Variants in CASQ1 observed in about 807,000 individuals in gnomAD.
CASQ1 encodes the protein calsequestrin-1.
CASQ1 carries 40 observed loss-of-function variants against 49.5 expected under a neutral mutation model. The observed-to-expected ratio is 0.81, with a 90% CI of 0.63 to 1.05. The LOEUF is 1.05. Among genes scored for constraint, CASQ1 ranks in the 50% least tolerant of loss-of-function variants. The probability of loss-of-function intolerance (pLI) is 0.00; values close to 1 mark genes in which losing one functional copy is unlikely to be tolerated. For synonymous variants in CASQ1, 174 were observed against 187.2 expected (o/e 0.93, Z 0.58); for missense variants, 469 against 486.9 (o/e 0.96, Z 0.35).
chr1:160,192,097 G>A (rs1654088775), intron 1 of CASQ1, among the ~76,000 whole-genome samples: 1 of 152,216 alleles, frequency 6.6e-6, no homozygotes, highest in East Asian at 1.9e-4. Context: ...GAAAATCAGG[G>A]TTGAACGCTA....
chr1:160,193,957 T>C (rs1654141174), intron 3 of CASQ1, 110 bp downstream of exon 3: 4 of 626,684 alleles, frequency 6.4e-6, no homozygotes, highest in Admixed American at 2.6e-5. Flanking sequence ...CACACACACA[T>C]ACACCACACG....
In CASQ1 at chr1:160,199,420, A is replaced by G. The variant is rs528667250; in HGVS notation, c.984+367A>G. Reference sequence around the variant, plus strand: ...AGGAGATGATTTTGTTCTCAGCTACATTCCCAACACCTAGCACTCGCTGTT... The same window carrying G: ...AGGAGATGATTTTGTTCTCAGCTACGTTCCCAACACCTAGCACTCGCTGTT... On this transcript the variant is annotated intron_variant, in intron 9 of 10. Coordinates refer to ENST00000368078, the MANE Select transcript of CASQ1 (RefSeq NM_001231.5). 9.8e-5 allele frequency among the ~76,000 whole-genome samples: 15 copies of G among 152,344 alleles called. No homozygotes were observed. The South Asian group carries it at 2.9e-3, about 29-fold the overall frequency.
chr1:160,199,729 C>T lies in CASQ1; in HGVS notation c.985-122C>T, dbSNP rs533717483. 1.3e-4 allele frequency: 92 copies of T among 698,956 alleles called. No homozygotes were observed. In the South Asian group the frequency reaches 1.5e-3, roughly 11 times the overall value. The allele number at this position is 698,956 out of a possible 1,614,324, so 43.3% of individuals were successfully genotyped here. On this transcript the variant is annotated intron_variant, in intron 9 of 10. Coordinates refer to ENST00000368078, the MANE Select transcript of CASQ1 (RefSeq NM_001231.5). ...TTGATGCCCTCACAGGTGGACCTGT[C>T]CCCATCCACTGCCAGTTCGCACTGT...
At chr1:160,196,824 T>A (rs1332312253) in intron 6 of CASQ1, among the ~76,000 whole-genome samples, 1 of 152,138 alleles carries the variant, frequency 6.6e-6, no homozygotes, top group Non-Finnish European at 1.5e-5. Flanking sequence ...CTCTACAAGG[T>A]GGGAAGGCGT....
chr1:160,193,193 C>T (rs898499538), intron 2 of CASQ1, among the ~76,000 whole-genome samples: 4 of 152,068 alleles, frequency 2.6e-5, no homozygotes, highest in Non-Finnish European at 5.9e-5. Flanking sequence ...ACAGGCGGGG[C>T]TGGCCAGACC....
chr1:160,200,716 GA>G (rs1365474962), intron 10 of CASQ1, among the ~76,000 whole-genome samples: 13 of 152,146 alleles, frequency 8.5e-5, no homozygotes, highest in Admixed American at 7.9e-4. Flanking sequence ...AGCAGGTTAT[GA>G]AAAGCCCTGG....
In CASQ1 at chr1:160,198,762, G is replaced by A. The variant is rs756411626; in HGVS notation, c.883+31G>A. The stretch of plus-strand genomic sequence containing the variant: ...GGAGGAATACCGGGTTGGACTGGAG[G>A]GAAGGCAGGGGGAGGTGGGTGTGTT... On this transcript the variant is annotated intron_variant, in intron 8 of 10. Coordinates refer to ENST00000368078, the MANE Select transcript of CASQ1 (RefSeq NM_001231.5). The A allele has an allele frequency of 1.9e-6, 3 of 1,594,202 alleles. No homozygotes were observed. In the South Asian group the frequency reaches 3.3e-5, roughly 18 times the overall value.
At chr1:160,193,272 G>A (rs1571047691) in intron 2 of CASQ1, among the ~76,000 whole-genome samples, 1 of 152,126 alleles carries the variant, frequency 6.6e-6, no homozygotes, top group East Asian at 1.9e-4. Context: ...CCACTAGGGG[G>A]CAGCACAGGC....
In CASQ1 at chr1:160,195,457, C is replaced by G. The variant is rs1224466252; in HGVS notation, c.578-4C>G. 5 of 1,613,780 alleles carry G rather than the reference C, an allele frequency of 3.1e-6. No individual in the cohort carries two copies. The highest frequency in any genetic ancestry group is 2.7e-5 in the African/African-American group (2 of 74,906). On this transcript the variant is annotated splice_region_variant and splice_polypyrimidine_tract_variant and intron_variant, in intron 4 of 10. Coordinates refer to ENST00000368078, the MANE Select transcript of CASQ1 (RefSeq NM_001231.5). ...AGAGACTGACTCTGCATTCCACCCC[C>G]CAGATTACAAAGCCTTCGAGGATGC...
At chr1:160,196,080 A>G in intron 6 of CASQ1, 53 bp downstream of exon 6, 1 of 1,586,596 alleles carries the variant, frequency 6.3e-7, no homozygotes, top group Non-Finnish European at 8.6e-7. Flanking sequence ...TTGGGCTAGA[A>G]CACACTGTGT....
rs1290650774 is a variant in CASQ1 at position 160,191,038 on chromosome 1, G to A, written c.279+8G>A. On this transcript the variant is annotated splice_region_variant and intron_variant, in intron 1 of 10. Coordinates refer to ENST00000368078, the MANE Select transcript of CASQ1 (RefSeq NM_001231.5). ...GAGGAGCTGATCCTGGAGGTGAGTT[G>A]GGGGCACTGCAGGCCTGCAGAGCAT... 3.7e-6 allele frequency: 6 copies of A among 1,613,246 alleles called. No individual in the cohort carries two copies. The highest frequency in any genetic ancestry group is 5.1e-6 in the Non-Finnish European group (6 of 1,179,632).
chr1:160,198,630 A>T, intron 7 of CASQ1, 47 bp from the exon 8 acceptor site: 1 of 1,422,524 alleles, frequency 7.0e-7, no homozygotes, highest in Non-Finnish European at 9.9e-7. Context: ...CAGGGAGTAT[A>T]GTAAGGTCTT....
Position 160,190,868 on chromosome 1 carries a change from C to T in CASQ1, c.117C>T (p.Asp39=). The change falls in exon 1 of 11, where the codon GAC becomes GAT. Residue 39 remains aspartate (D), a synonymous_variant. Coordinates refer to ENST00000368078, the MANE Select transcript of CASQ1 (RefSeq NM_001231.5). ...KSGVQGQEGL[D]FPEYDGVDRV... ...GGGTACAGGGGCAGGAAGGGCTGGA[C>T]TTCCCTGAGTACGATGGTGTGGACC... is the stretch of plus-strand genomic sequence containing the variant. The T allele has an allele frequency of 6.2e-7, 1 of 1,614,204 alleles. No homozygotes were observed. Among genetic ancestry groups the T allele is most frequent in the South Asian group, 1.1e-5 (1 of 91,088 alleles).
chr1:160,195,665 G>A, intron 5 of CASQ1, 131 bp downstream of exon 5: 2 of 732,052 alleles, frequency 2.7e-6, no homozygotes, highest in South Asian at 1.7e-5. Flanking sequence ...CCCCCCCCCG[G>A]CTCCTCCCAC....
At chr1:160,194,309 A>G (rs750820618) in intron 3 of CASQ1, among the ~76,000 whole-genome samples, 27 of 147,516 alleles carry the variant, frequency 1.8e-4, no homozygotes, top group Admixed American at 1.4e-3. Flanking sequence ...CACACACCAC[A>G]CACGCCACAC....
At chr1:160,200,201 C>T (rs1025584048) in intron 10 of CASQ1, among the ~76,000 whole-genome samples, 4 of 152,208 alleles carry the variant, frequency 2.6e-5, no homozygotes, top group Non-Finnish European at 5.9e-5. Flanking sequence ...CCCTGGCACT[C>T]CCAGGGCTCA....
chr1:160,198,858 G>A (rs1042226365), intron 8 of CASQ1, 95 bp from the exon 9 acceptor site: 1 of 1,176,628 alleles, frequency 8.5e-7, no homozygotes, highest in Non-Finnish European at 1.3e-6. Flanking sequence ...GACATGTGAA[G>A]CTTGGGGAGC....
At chr1:160,200,925 A>G (rs998983395) in intron 10 of CASQ1, among the ~76,000 whole-genome samples, 11 of 152,232 alleles carry the variant, frequency 7.2e-5, no homozygotes, top group African/African-American at 2.7e-4. Context: ...AGAGTTGCTA[A>G]CTTTATTCTT....
rs1654141520 is a variant in CASQ1, at chr1:160,193,968, C to G, written c.465+121C>G. The G allele has an allele frequency of 2.1e-5, 14 of 658,278 alleles. 1 individual carries two copies. The highest frequency in any genetic ancestry group is 2.1e-4 in the South Asian group (13 of 62,496). 40.8% of individuals were successfully genotyped at this position (658,278 alleles called of 1,614,324 possible). On this transcript the variant is annotated intron_variant, in intron 3 of 10. Coordinates refer to ENST00000368078, the MANE Select transcript of CASQ1 (RefSeq NM_001231.5). ...CACACACACACACATACACCACACG[C>G]ACACACACCATACATACACCACACG...
Sources: allele counts gnomAD v4.1 joint callset (sites outside exome capture counted in the v4.1 genomes callset), GRCh38; gene constraint gnomAD v4.1.1; transcripts MANE v1.5; gene names NCBI Gene and HGNC (gene_info 2026-07-23, HGNC 2026-07-21).